The following CHRM2 variants were observed in gnomAD, a reference collection of about 807,000 sequenced individuals.
CHRM2 encodes the protein muscarinic acetylcholine receptor M2.
Under a neutral mutation model 25.0 loss-of-function variants are expected in CHRM2, and 8 were observed. The ratio of observed to expected loss-of-function variants is 0.32; its 90% CI spans 0.19 to 0.58. CHRM2 has a LOEUF of 0.58. Among genes scored for constraint, CHRM2 ranks in the 20% least tolerant of loss-of-function variants. CHRM2 has a pLI of 0.88. For missense variants in CHRM2, 440 were observed against 567.1 expected, an observed-to-expected ratio of 0.78 and a Z score of 2.28; for synonymous variants, 202 against 205.7, an observed-to-expected ratio of 0.98 and a Z score of 0.15.
intron 3 of CHRM2, among the ~76,000 whole-genome samples, chr7:137,000,076 T>C (rs1218384687): frequency 6.6e-6 from 1 of 152,048 alleles, no homozygotes; most frequent in Non-Finnish European, 1.5e-5. Flanking sequence ...ACTGTAAAGG[T>C]AATTATTTTT....
intron 2 of CHRM2, among the ~76,000 whole-genome samples, chr7:136,984,734 C>A (rs1352914138): frequency 6.6e-6 from 1 of 152,038 alleles, no homozygotes; most frequent in Non-Finnish European, 1.5e-5. Context: ...CTGGGTGAGG[C>A]AATGCCCCAC....
intron 2 of CHRM2, among the ~76,000 whole-genome samples, chr7:136,927,510 T>A (rs1798815917): frequency 6.6e-6 from 1 of 151,856 alleles, no homozygotes; most frequent in Non-Finnish European, 1.5e-5. Context: ...AGACCCTAGA[T>A]AATGCAACTG....
intron 2 of CHRM2, among the ~76,000 whole-genome samples, chr7:136,892,339 C>G (rs1796723710): frequency 6.6e-6 from 1 of 152,070 alleles, no homozygotes; most frequent in Admixed American, 6.5e-5. Context: ...AAAGGAAAGC[C>G]ATTCTATAAT....
chr7:136,938,295 G>T, intron 2 of CHRM2: 3 of 1,109,588 alleles, frequency 2.7e-6, no homozygotes, highest in Non-Finnish European at 4.1e-6. Flanking sequence ...GCCTAAGGTT[G>T]TTGATGTAGC....
rs201698327 is a variant in CHRM2 at position 136,923,311 on chromosome 7, A to G, written c.-125+53893A>G. On this transcript the variant is annotated intron_variant, in intron 2 of 3. Transcript: ENST00000680005. ...GGTCAGTAAAGATGTGAAATTCCCA[A>G]GCCAGATTTTGTGTTCTGGTGACCA... 4.0e-5 allele frequency among the ~76,000 whole-genome samples: 6 copies of G among 150,870 alleles called. No homozygotes were observed. The East Asian group carries it at 1.2e-3, about 29-fold the overall frequency.
intron 2 of CHRM2, among the ~76,000 whole-genome samples, chr7:136,961,997 A>T (rs901549857): frequency 6.6e-6 from 1 of 152,144 alleles, no homozygotes; most frequent in Non-Finnish European, 1.5e-5. Context: ...ACATAAAAAT[A>T]GCTTCTCAGC....
chr7:136,946,065 C>A (rs10225215), intron 2 of CHRM2, among the ~76,000 whole-genome samples: 63,892 of 151,968 alleles, frequency 0.42, 15,566 homozygotes, highest in African/African-American at 0.68. Context: ...TAGCTAAATT[C>A]ACATCATGAA....
chr7:136,941,693 A>T (rs1799781750), intron 2 of CHRM2, among the ~76,000 whole-genome samples: 1 of 152,216 alleles, frequency 6.6e-6, no homozygotes, highest in Admixed American at 6.5e-5. Context: ...GTGAAATGCC[A>T]CTGAGAATAT....
At chr7:136,959,936 A>G (rs181607173) in intron 2 of CHRM2, among the ~76,000 whole-genome samples, 3 of 152,178 alleles carry the variant, frequency 2.0e-5, no homozygotes, top group East Asian at 3.9e-4. Flanking sequence ...AAACAAAAAG[A>G]AGGAAAAGTG....
chr7:137,008,914 T>A (rs324650), intron 3 of CHRM2, among the ~76,000 whole-genome samples: 81,744 of 151,828 alleles, frequency 0.54, 23,372 homozygotes, highest in African/African-American at 0.67. Context: ...TGTGTAATAT[T>A]GTGGAAATGA....
intron 2 of CHRM2, among the ~76,000 whole-genome samples, chr7:136,966,184 A>ATT (rs34410846): frequency 2.7e-4 from 41 of 149,210 alleles, no homozygotes; most frequent in Middle Eastern, 3.4e-3. Context: ...TCTTCTGCAA[A>ATT]TTTTTTTTTT....
chr7:137,003,818 G>A (rs144909624), intron 3 of CHRM2, among the ~76,000 whole-genome samples: 1 of 152,232 alleles, frequency 6.6e-6, no homozygotes, highest in African/African-American at 2.4e-5. Context: ...GGAACCCAGT[G>A]GGAGGTAACA....
chr7:136,972,469 T>G (rs932907532), intron 2 of CHRM2, among the ~76,000 whole-genome samples: 2 of 152,176 alleles, frequency 1.3e-5, no homozygotes, highest in African/African-American at 4.8e-5. Context: ...TGACACAATA[T>G]AGTCTGCTGC....
chr7:137,009,542 T>C (rs1033750666), intron 3 of CHRM2, among the ~76,000 whole-genome samples: 3 of 152,052 alleles, frequency 2.0e-5, no homozygotes, highest in Non-Finnish European at 4.4e-5. Flanking sequence ...TAAACCAAGG[T>C]CCCAACTCAA....
chr7:137,005,555 T>C (rs1439721742), intron 3 of CHRM2, among the ~76,000 whole-genome samples: 1 of 152,054 alleles, frequency 6.6e-6, no homozygotes, highest in African/African-American at 2.4e-5. Context: ...CTTTATCTTC[T>C]CTCTTCTCCC....
chr7:136,978,723 A>G (rs1468264553), intron 2 of CHRM2, among the ~76,000 whole-genome samples: 1 of 152,242 alleles, frequency 6.6e-6, no homozygotes, highest in East Asian at 1.9e-4. Context: ...TTTCTGTGTT[A>G]GTTTGCTGAG....
chr7:136,938,523 G>A (rs1799554518), intron 2 of CHRM2: 6 of 971,706 alleles, frequency 6.2e-6, no homozygotes, highest in Non-Finnish European at 1.0e-5. Flanking sequence ...GCAGGCTCTG[G>A]TTGATTGACC....
chr7:137,014,961 C>T lies in CHRM2; in HGVS notation c.96C>T (p.Ser32=). 6.2e-7 allele frequency: 1 copy of T among 1,613,094 alleles called. No homozygotes were observed. The highest frequency in any genetic ancestry group is 8.5e-7 in the Non-Finnish European group (1 of 1,179,508). The stretch of plus-strand genomic sequence containing the variant: ...TGTTTATTGTCCTGGTGGCTGGATC[C>T]CTCAGTTTGGTGACCATTATCGGGA... ...EVVFIVLVAG[S]LSLVTIIGNI... Residue 32 remains serine (S), a synonymous_variant, in exon 4 of 4, where the codon TCC becomes TCT. Coordinates refer to ENST00000680005, the MANE Select transcript of CHRM2 (RefSeq NM_001006630.2).
At chr7:136,941,349 C>T (rs915199401) in intron 2 of CHRM2, among the ~76,000 whole-genome samples, 1 of 152,118 alleles carries the variant, frequency 6.6e-6, no homozygotes, top group Admixed American at 6.6e-5. Context: ...GCTGTCCCAT[C>T]CCATCAATAT....
Sources: allele counts gnomAD v4.1 joint callset (sites outside exome capture counted in the v4.1 genomes callset), GRCh38; gene constraint gnomAD v4.1.1; transcripts MANE v1.5; gene names NCBI Gene and HGNC (gene_info 2026-07-23, HGNC 2026-07-21).